INSYN2A: variants seen among roughly 807,000 people sequenced by gnomAD.
INSYN2A encodes inhibitory synaptic factor 2A, also known as family with sequence similarity 196 member A.
Under a neutral mutation model 39.4 loss-of-function variants are expected in INSYN2A, and 17 were observed. The ratio of observed to expected loss-of-function variants is 0.43; its 90% CI spans 0.30 to 0.65. INSYN2A has a LOEUF of 0.65. INSYN2A is among the 30% of genes least tolerant of loss of function. The probability of loss-of-function intolerance (pLI) is 0.14; values close to 1 mark genes in which losing one functional copy is unlikely to be tolerated. For synonymous variants in INSYN2A, 255 were observed against 265.7 expected (o/e 0.96, Z 0.39); for missense variants, 595 against 631.2 (o/e 0.94, Z 0.61).
At chr10:127,150,049 G>A (rs1040296857) in intron 5 of INSYN2A, among the ~76,000 whole-genome samples, 1 of 152,190 alleles carries the variant, frequency 6.6e-6, no homozygotes, top group African/African-American at 2.4e-5. Context: ...GGACTTGGCT[G>A]TAAGTTTGCA....
In INSYN2A at chr10:127,196,244, G is replaced by A. The variant is rs1176398004; in HGVS notation, c.-642C>T. 1 of 148,746 alleles carries A rather than the reference G, an allele frequency of 6.7e-6. No homozygotes were observed. Among genetic ancestry groups the A allele is most frequent in the Admixed American group, 6.7e-5 (1 of 14,940 alleles). 9.2% of individuals were successfully genotyped at this position (148,746 alleles called of 1,614,324 possible). On this transcript the variant is annotated 5_prime_UTR_variant, in exon 1 of 6. It adds an upstream start codon to the 5' untranslated region. Coordinates refer to ENST00000522781, the MANE Select transcript of INSYN2A (RefSeq NM_001039762.3). Reference sequence around the variant, plus strand: ...GGCCGGCCCCCGCGCCGCAGCTCGCGTCGCTCGCGTCCCTCCGGCCCCGCT... The same window carrying A: ...GGCCGGCCCCCGCGCCGCAGCTCGCATCGCTCGCGTCCCTCCGGCCCCGCT...
At chr10:127,141,861 G>T (rs1371957494) in intron 5 of INSYN2A, among the ~76,000 whole-genome samples, 1 of 152,148 alleles carries the variant, frequency 6.6e-6, no homozygotes, top group African/African-American at 2.4e-5. Context: ...GGAGTCTGTG[G>T]CCTGGTTCTA....
chr10:127,154,759 C>A (rs1402464460), intron 4 of INSYN2A, among the ~76,000 whole-genome samples: 3 of 152,104 alleles, frequency 2.0e-5, no homozygotes, highest in East Asian at 1.9e-4. Context: ...AATTCTCCCC[C>A]CTAATTAAAA....
chr10:127,167,735 C>A (rs1228516565), intron 4 of INSYN2A, among the ~76,000 whole-genome samples: 1 of 152,076 alleles, frequency 6.6e-6, no homozygotes, highest in Non-Finnish European at 1.5e-5. Context: ...GCCCGTGACA[C>A]CAAATGAACT....
intron 2 of INSYN2A, among the ~76,000 whole-genome samples, chr10:127,190,727 A>C (rs1589860652): frequency 8.9e-6 from 1 of 112,782 alleles, no homozygotes; most frequent in Non-Finnish European, 1.7e-5. Context: ...AAAATCCCCC[A>C]CCGCCTTGCT....
intron 4 of INSYN2A, among the ~76,000 whole-genome samples, chr10:127,155,417 A>G (rs1410458843): frequency 3.3e-5 from 5 of 152,094 alleles, no homozygotes; most frequent in African/African-American, 9.7e-5. Context: ...GTGATTCATC[A>G]TATTTCAGCC....
chr10:127,176,484 G>T lies in INSYN2A; in HGVS notation c.-5-84C>A. ...GGCCGCACAAACTTTTAGCCACCAC[G>T]ACGACTGCCTGTTTCCTAATTATAT... On this transcript the variant is annotated intron_variant, in intron 3 of 5. Coordinates refer to ENST00000522781, the MANE Select transcript of INSYN2A (RefSeq NM_001039762.3). The surrounding 1 kb of genome is among the most constrained non-coding windows in gnomAD (Gnocchi z 4.4). The T allele has an allele frequency of 9.1e-7, 1 of 1,104,308 alleles. No homozygotes were observed. The highest frequency in any genetic ancestry group is 1.3e-6 in the Non-Finnish European group (1 of 772,308). 68.4% of individuals were successfully genotyped at this position (1,104,308 alleles called of 1,614,324 possible). A position where few individuals can be genotyped will look rare whatever the true frequency, so the allele number is the denominator to read the frequency against.
chr10:127,136,903 C>T lies in INSYN2A; in HGVS notation c.*934G>A, dbSNP rs900845161. ...GCACTTACCATGGCTAACAGTGTCT[C>T]GGAGGATCGATCCACAAAAACACTG... is the stretch of plus-strand genomic sequence containing the variant. On this transcript the variant is annotated 3_prime_UTR_variant, in exon 6 of 6. Transcript: ENST00000522781. The T allele has an allele frequency of 2.0e-5, 3 of 152,594 alleles. No homozygotes were observed. Among genetic ancestry groups the T allele is most frequent in the Admixed American group, 6.5e-5 (1 of 15,288 alleles). The allele number at this position is 152,594 out of a possible 1,614,324, so 9.5% of individuals were successfully genotyped here.
At chr10:127,144,100 G>C (rs1364589615) in intron 5 of INSYN2A, among the ~76,000 whole-genome samples, 1 of 152,048 alleles carries the variant, frequency 6.6e-6, no homozygotes, top group African/African-American at 2.4e-5. Flanking sequence ...CACTGCTCTA[G>C]TCCAGAACTC....
intron 5 of INSYN2A, among the ~76,000 whole-genome samples, chr10:127,146,980 T>C (rs544385259): frequency 6.6e-6 from 1 of 152,264 alleles, no homozygotes; most frequent in African/African-American, 2.4e-5. Flanking sequence ...GAAGTGCCAG[T>C]GTGCGTGATT....
chr10:127,143,834 A>G (rs1009269396), intron 5 of INSYN2A, among the ~76,000 whole-genome samples: 9 of 152,050 alleles, frequency 5.9e-5, no homozygotes, highest in Admixed American at 3.3e-4. Flanking sequence ...CAGGACCCCA[A>G]ATATTTGTTG....
intron 2 of INSYN2A, among the ~76,000 whole-genome samples, chr10:127,178,584 G>A (rs1026169005): frequency 1.3e-5 from 2 of 152,316 alleles, no homozygotes; most frequent in Admixed American, 1.3e-4. Flanking sequence ...GCTCTTGTTC[G>A]ATTATCCTAT....
chr10:127,176,288 C>G lies in INSYN2A; in HGVS notation c.108G>C (p.Arg36=). The part of the protein sequence containing the change: ...LEMKYALDPN[R]QIKKRNKALQ... ...GGGCTTTGTTCCGTTTTTTAATCTG[C>G]CGGTTGGGGTCCAGGGCGTATTTCA... The change falls in exon 4 of 6, where the codon CGG becomes CGC. Residue 36 remains arginine, a synonymous_variant. Transcript: ENST00000522781. The surrounding 1 kb of genome is among the most constrained non-coding windows in gnomAD (Gnocchi z 4.4). The G allele has an allele frequency of 1.2e-6, 2 of 1,614,054 alleles. No homozygotes were observed. The highest frequency in any genetic ancestry group is 1.7e-6 in the Non-Finnish European group (2 of 1,180,028).
chr10:127,195,100 T>A (rs2057016009), intron 1 of INSYN2A, among the ~76,000 whole-genome samples: 1 of 152,172 alleles, frequency 6.6e-6, no homozygotes, highest in Admixed American at 6.5e-5. Flanking sequence ...CCTCTCCCTG[T>A]GGCATATTTT....
intron 2 of INSYN2A, among the ~76,000 whole-genome samples, chr10:127,178,468 G>A (rs2055392672): frequency 6.6e-6 from 1 of 152,134 alleles, no homozygotes; most frequent in African/African-American, 2.4e-5. Context: ...CTCCCTCCCA[G>A]TGTGACAACT....
intron 2 of INSYN2A, among the ~76,000 whole-genome samples, chr10:127,181,616 A>G (rs550074881): frequency 4.6e-5 from 7 of 152,308 alleles, no homozygotes; most frequent in Admixed American, 2.6e-4. Context: ...CTTGGAGTCA[A>G]AGATGCTGGT....
intron 4 of INSYN2A, among the ~76,000 whole-genome samples, chr10:127,172,418 G>A (rs1589761530): frequency 6.6e-6 from 1 of 152,180 alleles, no homozygotes; most frequent in East Asian, 1.9e-4. Flanking sequence ...CTGGGACTCT[G>A]TGCTGTACCC....
intron 4 of INSYN2A, among the ~76,000 whole-genome samples, chr10:127,169,070 T>C (rs764689903): frequency 6.6e-6 from 1 of 152,184 alleles, no homozygotes; most frequent in Non-Finnish European, 1.5e-5. Context: ...TTAACGCAAG[T>C]CACATCACGC....
chr10:127,173,406 A>T, intron 4 of INSYN2A, among the ~76,000 whole-genome samples: 1 of 152,162 alleles, frequency 6.6e-6, no homozygotes, highest in East Asian at 1.9e-4. Context: ...AACCCTGAGG[A>T]TCTTATTTAA....
Sources: gnomAD v4.1 joint callset for allele counts (sites outside exome capture counted in the v4.1 genomes callset) on GRCh38, gnomAD v4.1.1 for gene constraint, Gnocchi (gnomAD v3.1) non-coding constraint, MANE v1.5 for transcripts, NCBI Gene and HGNC (gene_info 2026-07-23, HGNC 2026-07-21) for gene names.